The following TRIP4 variants were observed in gnomAD, a reference collection of about 807,000 sequenced individuals.
TRIP4 encodes the protein activating signal cointegrator 1.
A neutral mutation model predicts 81.8 loss-of-function variants in TRIP4; 54 were observed. The ratio of observed to expected loss-of-function variants is 0.66; its 90% CI spans 0.53 to 0.83. TRIP4 has a LOEUF of 0.83. Ranked by LOEUF, TRIP4 falls within the 40% of genes least tolerant of loss-of-function variation. The pLI is 0.00. For missense variants in TRIP4, 662 were observed against 683.6 expected (o/e 0.97, Z 0.35); for synonymous variants, 270 against 242.8 (o/e 1.11, Z -1.04).
chr15:64,406,978 G>C (rs79780682), intron 6 of TRIP4, among the ~76,000 whole-genome samples: 2,545 of 148,466 alleles, frequency 0.017, 66 homozygotes, highest in African/African-American at 0.058. Context: ...CATTATTATT[G>C]TTTAGCCCAT....
intron 10 of TRIP4, 199 bp downstream of exon 10, chr15:64,424,354 TCA>T: frequency 1.6e-6 from 1 of 626,316 alleles, no homozygotes; most frequent in Non-Finnish European, 2.5e-6. Context: ...AATAAAAATA[TCA>T]ATTTCCAACA....
intron 5 of TRIP4, among the ~76,000 whole-genome samples, chr15:64,402,919 G>T (rs1596339520): frequency 6.6e-6 from 1 of 152,060 alleles, no homozygotes; most frequent in African/African-American, 2.4e-5. Context: ...GAGTGTGGTG[G>T]CGTGATCTCG....
chr15:64,429,601 CTT>C (rs1210640407), intron 11 of TRIP4, among the ~76,000 whole-genome samples: 2 of 152,184 alleles, frequency 1.3e-5, no homozygotes, highest in African/African-American at 4.8e-5. Flanking sequence ...GTTCTCAAAA[CTT>C]TGAGCATAAA....
At chr15:64,439,508 A>T in intron 11 of TRIP4, among the ~76,000 whole-genome samples, 1 of 140,312 alleles carries the variant, frequency 7.1e-6, no homozygotes, top group African/African-American at 2.6e-5. Context: ...AACAACTTAT[A>T]AATCTTTTTT....
chr15:64,418,056 A>G (rs1891926083), intron 8 of TRIP4, among the ~76,000 whole-genome samples: 1 of 152,216 alleles, frequency 6.6e-6, no homozygotes, highest in Non-Finnish European at 1.5e-5. Context: ...CTGAATGTAT[A>G]CTATCTCTAC....
At position 64,455,079 on chromosome 15, in the gene TRIP4, A is replaced by G. The variant is rs1892855477; in HGVS notation, c.*15A>G. On this transcript the variant is annotated 3_prime_UTR_variant, in exon 13 of 13. Transcript: ENST00000261884. ...AAGCTGTCTGACCCAGGAGAAAAGG[A>G]ACTATACAGCATAGTGGAGTTTTGT... is the stretch of plus-strand genomic sequence containing the variant. 2 of 1,613,444 alleles carry G rather than the reference A, an allele frequency of 1.2e-6. No homozygotes were observed.
intron 8 of TRIP4, among the ~76,000 whole-genome samples, chr15:64,416,736 G>A (rs1891898071): frequency 6.6e-6 from 1 of 152,056 alleles, no homozygotes; most frequent in Non-Finnish European, 1.5e-5. Flanking sequence ...TTGCAAGCAA[G>A]AACCGTATCT....
chr15:64,419,029 T>C lies in TRIP4; in HGVS notation c.1358+301T>C, dbSNP rs1891949403. 2.6e-5 allele frequency among the ~76,000 whole-genome samples: 4 copies of C among 152,222 alleles called. No homozygotes were observed. In the South Asian group the frequency reaches 8.3e-4, roughly 31 times the overall value. On this transcript the variant is annotated intron_variant, in intron 9 of 12. Transcript: ENST00000261884. The stretch of plus-strand genomic sequence containing the variant: ...GATAGAAGACTAATTTTTTCATCTT[T>C]GGAAGGAAATCTATTGAAAAATCTT...
At chr15:64,441,567 A>AT (rs1306140845) in intron 11 of TRIP4, among the ~76,000 whole-genome samples, 1 of 151,620 alleles carries the variant, frequency 6.6e-6, no homozygotes, top group African/African-American at 2.4e-5. Flanking sequence ...AGGTCAGGAG[A>AT]TTGAGACCAT....
chr15:64,398,190 C>T (rs11631879), intron 4 of TRIP4, among the ~76,000 whole-genome samples: 113,085 of 152,050 alleles, frequency 0.74, 45,551 homozygotes, highest in East Asian at 0.96. Flanking sequence ...CGTCAGCCAC[C>T]GTGCCTGGCT....
chr15:64,423,377 C>T (rs1160631520), intron 9 of TRIP4, among the ~76,000 whole-genome samples: 1 of 139,862 alleles, frequency 7.1e-6, no homozygotes, highest in Non-Finnish European at 1.5e-5. Context: ...GCAGGAGAAT[C>T]GCTTGAACCC....
At chr15:64,419,654 GGT>G (rs1188041633) in intron 9 of TRIP4, among the ~76,000 whole-genome samples, 1 of 152,004 alleles carries the variant, frequency 6.6e-6, no homozygotes, top group Non-Finnish European at 1.5e-5. Context: ...CACCGCGCCT[GGT>G]GTGTTTGTTT....
rs1369723489 is a variant in TRIP4, at chr15:64,419,593, C to T, written c.1358+865C>T. Among the ~76,000 whole-genome samples the T allele has an allele frequency of 5.3e-5, 8 of 151,838 alleles. No individual in the cohort carries two copies. In the East Asian group the frequency reaches 1.6e-3, roughly 30 times the overall value. Reference sequence around the variant, plus strand: ...CAGGCTGGTCTCGATCTCCTGACCTCGTGATCCGCCCGCCTCGGCCTCCCA... The same window carrying T: ...CAGGCTGGTCTCGATCTCCTGACCTTGTGATCCGCCCGCCTCGGCCTCCCA... On this transcript the variant is annotated intron_variant, in intron 9 of 12. Coordinates refer to ENST00000261884, the MANE Select transcript of TRIP4 (RefSeq NM_016213.5).
chr15:64,446,099 C>A (rs1176987736), intron 12 of TRIP4, among the ~76,000 whole-genome samples: 1 of 151,828 alleles, frequency 6.6e-6, no homozygotes, highest in Admixed American at 6.6e-5. Context: ...ATGGTAAAAC[C>A]CCGTCTCTAC....
At chr15:64,412,535 C>T (rs1891789447) in intron 7 of TRIP4, among the ~76,000 whole-genome samples, 1 of 143,036 alleles carries the variant, frequency 7.0e-6, no homozygotes, top group Non-Finnish European at 1.5e-5. Context: ...CTTAAATCTG[C>T]CACTTGGATT....
chr15:64,433,672 G>C (rs757813036), intron 11 of TRIP4, among the ~76,000 whole-genome samples: 17 of 152,192 alleles, frequency 1.1e-4, no homozygotes, highest in Non-Finnish European at 2.5e-4. Flanking sequence ...CTGTTCAAGT[G>C]TTTCTACTGA....
At position 64,387,877 on chromosome 15, in the gene TRIP4, G is replaced by C; in HGVS notation, c.14G>C (p.Gly5Ala). Residue 5 changes from glycine to alanine, a missense_variant, in exon 1 of 13, where the codon GGG becomes GCG. Coordinates refer to ENST00000261884, the MANE Select transcript of TRIP4 (RefSeq NM_016213.5). ...CGGCTGGGGAAGATGGCGGTGGCTG[G>C]GGCGGTGTCCGGGGAGCCGCTGGTG... MAVA[G>A]AVSGEPLVHW... The C allele has an allele frequency of 6.5e-7, 1 of 1,547,604 alleles. No individual in the cohort carries two copies. Among genetic ancestry groups the C allele is most frequent in the South Asian group, 1.2e-5 (1 of 83,920 alleles).
chr15:64,425,826 G>A (rs1229883309), intron 11 of TRIP4, among the ~76,000 whole-genome samples, 195 bp downstream of exon 11: 1 of 152,186 alleles, frequency 6.6e-6, no homozygotes, highest in African/African-American at 2.4e-5. Context: ...GCTCAGGCCT[G>A]TAATCCCAAC....
intron 11 of TRIP4, among the ~76,000 whole-genome samples, chr15:64,439,598 A>G (rs1037694708): frequency 1.6e-5 from 2 of 123,984 alleles, no homozygotes; most frequent in African/African-American, 6.4e-5. Context: ...ATCTTGGCTC[A>G]CTGCAACCTC....
Sources: allele counts gnomAD v4.1 joint callset (sites outside exome capture counted in the v4.1 genomes callset), GRCh38; gene constraint gnomAD v4.1.1; transcripts MANE v1.5; gene names NCBI Gene and HGNC (gene_info 2026-07-23, HGNC 2026-07-21).